ADAMTS3: variants seen among roughly 807,000 people sequenced by gnomAD.
ADAMTS3 encodes ADAM metallopeptidase with thrombospondin type 1 motif 3.
ADAMTS3 carries 73 observed loss-of-function variants against 129.0 expected under a neutral mutation model. The ratio of observed to expected loss-of-function variants is 0.57; its 90% confidence interval spans 0.47 to 0.69. The LOEUF (loss-of-function observed/expected upper bound fraction) is 0.69. Ranked by LOEUF, ADAMTS3 falls within the 30% of genes least tolerant of loss-of-function variation. ADAMTS3 has a pLI of 0.00. For missense variants in ADAMTS3, 1,457 were observed against 1,514.5 expected (o/e 0.96, Z 0.63); for synonymous variants, 477 against 510.8 (o/e 0.93, Z 0.89).
At chr4:72,562,118 T>C (rs1014525720) in intron 2 of ADAMTS3, among the ~76,000 whole-genome samples, 1 of 152,186 alleles carries the variant, frequency 6.6e-6, no homozygotes, top group African/African-American at 2.4e-5. Flanking sequence ...ATATGATTAT[T>C]CATATTTATT....
At chr4:72,507,124 T>A (rs775058982) in intron 3 of ADAMTS3, among the ~76,000 whole-genome samples, 1 of 152,224 alleles carries the variant, frequency 6.6e-6, no homozygotes, top group African/African-American at 2.4e-5. Flanking sequence ...TCTGCATATA[T>A]AAGTGTGTAT....
intron 3 of ADAMTS3, among the ~76,000 whole-genome samples, chr4:72,516,256 C>G (rs1055896351): frequency 2.6e-5 from 4 of 151,994 alleles, no homozygotes; most frequent in Admixed American, 2.6e-4. Flanking sequence ...AGTATAGTTT[C>G]AAGTCAGGTA....
Position 72,507,373 on chromosome 4 carries a change from G to C in ADAMTS3, c.504+41105C>G, listed in dbSNP as rs1560542155. 3.3e-5 allele frequency among the ~76,000 whole-genome samples: 5 copies of C among 152,152 alleles called. No individual in the cohort carries two copies. In the South Asian group the frequency reaches 1.0e-3, roughly 32 times the overall value. On this transcript the variant is annotated intron_variant, in intron 3 of 21. Transcript: ENST00000286657. ...AACTCAATCCAAGATTGTACAATCA[G>C]AATCTGACTCCTGAGAATTTAAATC...
At chr4:72,477,561 T>C (rs1281671647) in intron 3 of ADAMTS3, among the ~76,000 whole-genome samples, 2 of 152,000 alleles carry the variant, frequency 1.3e-5, no homozygotes, top group East Asian at 1.9e-4. Context: ...GGGAAATTTA[T>C]AGCACTAAAT....
intron 3 of ADAMTS3, among the ~76,000 whole-genome samples, chr4:72,546,402 AT>A (rs1182119975): frequency 6.6e-6 from 1 of 152,034 alleles, no homozygotes; most frequent in Non-Finnish European, 1.5e-5. Flanking sequence ...ACTCTATTTT[AT>A]TAGATAACCT....
chr4:72,458,691 C>T (rs2109981456), intron 3 of ADAMTS3, among the ~76,000 whole-genome samples: 1 of 151,480 alleles, frequency 6.6e-6, no homozygotes, highest in African/African-American at 2.4e-5. Context: ...CCACTCCCAA[C>T]CTATGATTCC....
intron 3 of ADAMTS3, among the ~76,000 whole-genome samples, chr4:72,517,172 C>G (rs948009148): frequency 6.6e-6 from 1 of 152,180 alleles, no homozygotes; most frequent in African/African-American, 2.4e-5. Context: ...AGCCTTGCAT[C>G]CCAGGGATGA....
chr4:72,531,977 TG>T (rs1268573586), intron 3 of ADAMTS3, among the ~76,000 whole-genome samples: 1 of 150,858 alleles, frequency 6.6e-6, no homozygotes, highest in Non-Finnish European at 1.5e-5. Flanking sequence ...TAATCCAATC[TG>T]GGACTGACAG....
intron 3 of ADAMTS3, among the ~76,000 whole-genome samples, chr4:72,475,257 C>A (rs974580452): frequency 2.0e-5 from 3 of 151,792 alleles, no homozygotes; most frequent in African/African-American, 7.3e-5. Flanking sequence ...AAATTACATG[C>A]TGTCTACAAG....
chr4:72,390,970 GCTTA>G (rs1217368618), intron 4 of ADAMTS3, among the ~76,000 whole-genome samples: 10 of 150,688 alleles, frequency 6.6e-5, no homozygotes, highest in South Asian at 2.1e-4. Flanking sequence ...ATGATTATGA[GCTTA>G]CTATGAGCTA....
intron 5 of ADAMTS3, among the ~76,000 whole-genome samples, chr4:72,324,364 T>TA (rs1719641341): frequency 6.6e-6 from 1 of 152,050 alleles, no homozygotes; most frequent in African/African-American, 2.4e-5. Context: ...AGAACACCTT[T>TA]AAAAAAATCA....
rs1025507323 is a variant in ADAMTS3, at chr4:72,344,542, C to A, written c.662-4849G>T. Reference sequence around the variant, plus strand: ...TTATTTGAAATAATAATAAACCCAGCAAAAAGTCACTCCCAATCTCCCTGT... The same window carrying A: ...TTATTTGAAATAATAATAAACCCAGAAAAAAGTCACTCCCAATCTCCCTGT... On this transcript the variant is annotated intron_variant, in intron 4 of 21. Transcript: ENST00000286657. Among the ~76,000 whole-genome samples the A allele has an allele frequency of 2.0e-5, 3 of 152,080 alleles. No individual in the cohort carries two copies. The East Asian group carries it at 5.8e-4, about 29-fold the overall frequency.
intron 4 of ADAMTS3, among the ~76,000 whole-genome samples, chr4:72,385,815 T>G (rs925144815): frequency 1.3e-5 from 2 of 152,096 alleles, no homozygotes; most frequent in Non-Finnish European, 2.9e-5. Context: ...AATATACCCA[T>G]GTAACAAACC....
intron 10 of ADAMTS3, 52 bp downstream of exon 10, chr4:72,318,520 T>C (rs1719459067): frequency 6.3e-7 from 1 of 1,593,972 alleles, no homozygotes; most frequent in African/African-American, 1.3e-5. Context: ...AAGCAGGAGC[T>C]ACACAAATAG....
At chr4:72,533,691 A>ATATACATATATATG (rs1721113325) in intron 3 of ADAMTS3, among the ~76,000 whole-genome samples, 7 of 151,650 alleles carry the variant, frequency 4.6e-5, no homozygotes, top group African/African-American at 1.5e-4. Flanking sequence ...ACACATGTAT[A>ATATACATATATATG]TATACTTTTT....
intron 4 of ADAMTS3, among the ~76,000 whole-genome samples, chr4:72,340,361 G>C (rs1216508145): frequency 6.6e-6 from 1 of 151,114 alleles, no homozygotes; most frequent in Non-Finnish European, 1.5e-5. Context: ...GTGTGGATAA[G>C]ATAGTATATA....
chr4:72,323,087 A>G lies in ADAMTS3; in HGVS notation c.872T>C (p.Ile291Thr), dbSNP rs61757480. ...LLTLMNIVNE[I>T]YHDESLGVHI... ...CACTCCGAGGGACTCATCATGGTAA[A>G]TTTCATTCACCTAGCAACAAAAAAA... The change falls in exon 6 of 22, where the codon ATT (isoleucine) becomes ACT (threonine). Residue 291 changes from isoleucine (I) to threonine (T), a missense_variant. Transcript: ENST00000286657. 10 of 1,612,988 alleles carry G rather than the reference A, an allele frequency of 6.2e-6. No individual in the cohort carries two copies. Among genetic ancestry groups the G allele is most frequent in the Non-Finnish European group, 8.5e-6 (10 of 1,179,264 alleles).
intron 3 of ADAMTS3, among the ~76,000 whole-genome samples, chr4:72,416,390 T>C (rs1722306198): frequency 6.6e-6 from 1 of 152,118 alleles, no homozygotes; most frequent in South Asian, 2.1e-4. Flanking sequence ...ACTTCTACGC[T>C]TGCCTTTATG....
At chr4:72,339,423 C>T (rs1040336187) in intron 5 of ADAMTS3, 71 bp downstream of exon 5, 3 of 1,499,250 alleles carry the variant, frequency 2.0e-6, no homozygotes, top group African/African-American at 2.8e-5. Flanking sequence ...ACACAGATTG[C>T]CAAAGGGTAC....
Sources: allele counts gnomAD v4.1 joint callset (sites outside exome capture counted in the v4.1 genomes callset), GRCh38; gene constraint gnomAD v4.1.1; transcripts MANE v1.5; gene names NCBI Gene and HGNC (gene_info 2026-07-23, HGNC 2026-07-21).